The following PRIM2 variants were observed in gnomAD, a reference collection of about 807,000 sequenced individuals.
PRIM2 encodes the protein DNA primase subunit 2.
In PRIM2, 39 loss-of-function variants were observed where a neutral mutation model predicts 67.3. That is an observed-to-expected ratio of 0.58 (90% CI 0.45 to 0.76). The LOEUF is 0.76. Ranked by LOEUF, PRIM2 falls within the 30% of genes least tolerant of loss-of-function variation. PRIM2 has a pLI of 0.00. For missense variants in PRIM2, 398 were observed against 598.7 expected, an observed-to-expected ratio of 0.66 and a Z score of 3.50; for synonymous variants, 143 against 198.7, an observed-to-expected ratio of 0.72 and a Z score of 2.36.
intron 11 of PRIM2, among the ~76,000 whole-genome samples, chr6:57,601,579 T>C (rs1248034106): frequency 3.3e-5 from 5 of 152,182 alleles, no homozygotes; most frequent in Non-Finnish European, 1.5e-5. Flanking sequence ...TGTTCTAAGT[T>C]TGGAATAGTA....
chr6:57,350,821 T>C (rs1325972490), intron 5 of PRIM2, among the ~76,000 whole-genome samples: 1 of 152,168 alleles, frequency 6.6e-6, no homozygotes, highest in Non-Finnish European at 1.5e-5. Context: ...AGATGTCATA[T>C]ATTCTGTTTA....
chr6:57,448,118 G>C (rs1378117737), intron 7 of PRIM2, among the ~76,000 whole-genome samples: 7 of 152,178 alleles, frequency 4.6e-5, no homozygotes, highest in Non-Finnish European at 1.5e-5. Flanking sequence ...ACTTTCTCCA[G>C]TGCCGATCTT....
the PRIM2 span, among the ~76,000 whole-genome samples, chr6:57,243,307 A>G: frequency 6.6e-6 from 1 of 152,208 alleles, no homozygotes; most frequent in African/African-American, 2.4e-5. Flanking sequence ...GTGGCTATTG[A>G]AAGCCTGAGT....
chr6:57,471,915 T>G (rs1773344921), intron 7 of PRIM2, among the ~76,000 whole-genome samples: 1 of 152,198 alleles, frequency 6.6e-6, no homozygotes, highest in East Asian at 1.9e-4. Context: ...GCTAAACTTT[T>G]AAAAGATGAA....
chr6:57,640,868 G>GA (rs1777219420), intron 13 of PRIM2, among the ~76,000 whole-genome samples: 1 of 150,702 alleles, frequency 6.6e-6, no homozygotes, highest in Admixed American at 6.6e-5. Context: ...CGCAGAATTA[G>GA]AAAAAACTAC....
At chr6:57,335,061 G>T (rs865816551) in intron 5 of PRIM2, among the ~76,000 whole-genome samples, 7 of 152,236 alleles carry the variant, frequency 4.6e-5, no homozygotes, top group Admixed American at 4.6e-4. Context: ...AGTGCAAGGG[G>T]TCAGGGAGTT....
intron 7 of PRIM2, among the ~76,000 whole-genome samples, chr6:57,426,124 A>T (rs1228415299): frequency 6.6e-6 from 1 of 152,228 alleles, no homozygotes; most frequent in Admixed American, 6.5e-5. Context: ...TAGATTTTAA[A>T]TACACAGGTC....
rs886441346 is a variant in PRIM2 at position 57,368,929 on chromosome 6, C to T, written c.460-10972C>T. On this transcript the variant is annotated intron_variant, in intron 5 of 13. Coordinates refer to ENST00000615550, the MANE Select transcript of PRIM2 (RefSeq NM_000947.5). ...ATTTTGTCCCTGGACTCAGGCAGATCGAGTAGGCTCTGTATACCGGAACTT... is the reference window on the plus strand; with the variant it reads ...ATTTTGTCCCTGGACTCAGGCAGATTGAGTAGGCTCTGTATACCGGAACTT... Among the ~76,000 whole-genome samples the T allele has an allele frequency of 9.2e-5, 14 of 152,138 alleles. 1 individual carries two copies. The highest frequency in any genetic ancestry group is 3.4e-4 in the African/African-American group (14 of 41,418).
At chr6:57,241,637 G>A in the PRIM2 span, among the ~76,000 whole-genome samples, 2 of 151,146 alleles carry the variant, frequency 1.3e-5, no homozygotes, top group African/African-American at 4.9e-5. Flanking sequence ...ATGGGGAGGA[G>A]TATGGAATTA....
chr6:57,318,731 C>A, intron 2 of PRIM2, 132 bp downstream of exon 2: 2 of 728,572 alleles, frequency 2.7e-6, no homozygotes, highest in Non-Finnish European at 2.2e-6. Flanking sequence ...TAATTCATAT[C>A]CTTCATTCAG....
intron 8 of PRIM2, among the ~76,000 whole-genome samples, chr6:57,516,861 G>A (rs1158755888): frequency 6.6e-6 from 1 of 152,176 alleles, no homozygotes; most frequent in Non-Finnish European, 1.5e-5. Flanking sequence ...AAAAAGAGAA[G>A]TTTAACTAAA....
chr6:57,301,247 G>A, the PRIM2 span, among the ~76,000 whole-genome samples: 1 of 152,298 alleles, frequency 6.6e-6, no homozygotes, highest in Admixed American at 6.5e-5. Flanking sequence ...CAGGACTTTG[G>A]GAGGTCACGG....
In PRIM2 at chr6:57,588,214, C is replaced by T. The variant is rs1776228681; in HGVS notation, c.1021-12879C>T. On this transcript the variant is annotated intron_variant, in intron 10 of 13. Coordinates refer to ENST00000615550, the MANE Select transcript of PRIM2 (RefSeq NM_000947.5). Reference sequence around the variant, plus strand: ...CCTCCATTCATGGGAAGATACTTTCCACACAAGTTTACTGGGGTAGTGGAG... The same window carrying T: ...CCTCCATTCATGGGAAGATACTTTCTACACAAGTTTACTGGGGTAGTGGAG... 2.0e-5 allele frequency among the ~76,000 whole-genome samples: 3 copies of T among 152,064 alleles called. No homozygotes were observed. The South Asian group carries it at 6.2e-4, about 32-fold the overall frequency.
At chr6:57,309,628 G>C in the PRIM2 span, among the ~76,000 whole-genome samples, 3 of 152,010 alleles carry the variant, frequency 2.0e-5, no homozygotes, top group Non-Finnish European at 4.4e-5. Flanking sequence ...ATAAACATAC[G>C]TGTGCATGTG....
the PRIM2 span, among the ~76,000 whole-genome samples, chr6:57,267,351 G>A: frequency 2.6e-5 from 4 of 152,086 alleles, no homozygotes; most frequent in East Asian, 5.8e-4. Context: ...ATCAGGGAGT[G>A]GGCAAGTAAG....
At chr6:57,620,061 T>TA (rs1776824277) in intron 12 of PRIM2, among the ~76,000 whole-genome samples, 1 of 152,088 alleles carries the variant, frequency 6.6e-6, no homozygotes, top group African/African-American at 2.4e-5. Context: ...CTGGGCGTGG[T>TA]GACACACAAC....
intron 5 of PRIM2, among the ~76,000 whole-genome samples, chr6:57,332,727 A>T (rs1487183108): frequency 6.6e-6 from 1 of 151,814 alleles, no homozygotes; most frequent in Non-Finnish European, 1.5e-5. Context: ...GTCTTTTTCT[A>T]TTCTTTTTAT....
intron 7 of PRIM2, among the ~76,000 whole-genome samples, chr6:57,392,892 C>T (rs79885582): frequency 6.0e-5 from 9 of 149,050 alleles, no homozygotes; most frequent in South Asian, 4.2e-4. Flanking sequence ...GAACTTACGA[C>T]GTTTGGTTTT....
intron 11 of PRIM2, 75 bp from the exon 12 acceptor site, chr6:57,606,300 T>A: frequency 8.5e-7 from 1 of 1,180,148 alleles, no homozygotes. Flanking sequence ...GCTTAGATGG[T>A]CTCTCGAGTG....
Sources: gnomAD v4.1 joint callset for allele counts (sites outside exome capture counted in the v4.1 genomes callset) on GRCh38, gnomAD v4.1.1 for gene constraint, MANE v1.5 for transcripts, NCBI Gene and HGNC (gene_info 2026-07-23, HGNC 2026-07-21) for gene names.